The following DACH1 variants were observed in gnomAD, a reference collection of about 807,000 sequenced individuals.
DACH1 encodes the protein dachshund family transcription factor 1.
DACH1 carries 12 observed loss-of-function variants against 54.2 expected under a neutral mutation model. The observed-to-expected ratio is 0.22, with a 90% CI of 0.14 to 0.36. The LOEUF is 0.36. DACH1 is among the 10% of genes least tolerant of loss of function. The pLI is 1.00. For synonymous variants in DACH1, 386 were observed against 366.2 expected (o/e 1.05, Z -0.62); for missense variants, 805 against 929.8 (o/e 0.87, Z 1.75).
chr13:71,513,043 G>T (rs1880901029), intron 6 of DACH1, among the ~76,000 whole-genome samples: 1 of 151,776 alleles, frequency 6.6e-6, no homozygotes, highest in Admixed American at 6.6e-5. Context: ...AATATGCACA[G>T]AACTTAGAAA....
intron 10 of DACH1, among the ~76,000 whole-genome samples, chr13:71,465,800 G>A (rs1034598762): frequency 6.6e-6 from 1 of 151,964 alleles, no homozygotes; most frequent in Non-Finnish European, 1.5e-5. Context: ...TAGTTATTTG[G>A]AATTCATAGT....
At chr13:71,734,048 CA>C (rs1304472211) in intron 1 of DACH1, among the ~76,000 whole-genome samples, 5 of 151,088 alleles carry the variant, frequency 3.3e-5, no homozygotes, top group Admixed American at 3.3e-4. Flanking sequence ...CACTCCATCT[CA>C]AAAAATAAAA....
chr13:71,716,734 C>A (rs1882987485), intron 1 of DACH1, among the ~76,000 whole-genome samples: 1 of 152,072 alleles, frequency 6.6e-6, no homozygotes, highest in Non-Finnish European at 1.5e-5. Flanking sequence ...TCCTCTTTTG[C>A]CAGAATTCAA....
At chr13:71,476,656 T>A (rs893225790) in intron 8 of DACH1, among the ~76,000 whole-genome samples, 10 of 152,232 alleles carry the variant, frequency 6.6e-5, no homozygotes, top group African/African-American at 2.4e-4. Context: ...AAGTTGATTA[T>A]GAAACATTTT....
In DACH1 at chr13:71,726,376, ACT is replaced by A. The variant is rs556024238; in HGVS notation, c.849-44468_849-44467del. 3.2e-3 allele frequency among the ~76,000 whole-genome samples: 484 copies of A among 152,242 alleles called. 8 individuals are homozygous for A. The highest frequency in any genetic ancestry group is 0.011 in the African/African-American group (469 of 41,566). On this transcript the variant is annotated intron_variant, in intron 1 of 10. Coordinates refer to ENST00000613252, the MANE Select transcript of DACH1 (RefSeq NM_080759.6). The stretch of plus-strand genomic sequence containing the variant: ...AACTGATGAGTATTAAAAACAGTAA[ACT>A]CAGCGTGACTTAACAAGAAAACGCT...
intron 1 of DACH1, among the ~76,000 whole-genome samples, chr13:71,694,060 GTCTTCCCACTTA>G (rs1881681057): frequency 1.3e-5 from 2 of 152,138 alleles, no homozygotes; most frequent in Admixed American, 6.5e-5. Flanking sequence ...AGACAATCTT[GTCTTCCCACTTA>G]TGAATGCAGA....
At chr13:71,559,582 G>T (rs1397664966) in intron 5 of DACH1, among the ~76,000 whole-genome samples, 1 of 152,192 alleles carries the variant, frequency 6.6e-6, no homozygotes, top group Admixed American at 6.5e-5. Context: ...CTGTTTCATA[G>T]CTCAAATCTT....
At chr13:71,670,995 A>G (rs963312306) in intron 2 of DACH1, among the ~76,000 whole-genome samples, 6 of 152,062 alleles carry the variant, frequency 3.9e-5, no homozygotes, top group African/African-American at 1.4e-4. Flanking sequence ...TACTTTTTAA[A>G]TCAGAAAGTC....
intron 3 of DACH1, among the ~76,000 whole-genome samples, chr13:71,628,742 G>A (rs1011056197): frequency 1.1e-4 from 16 of 152,024 alleles, no homozygotes; most frequent in African/African-American, 3.9e-4. Flanking sequence ...TGGTTAGTAG[G>A]CAAATATTGT....
intron 1 of DACH1, among the ~76,000 whole-genome samples, chr13:71,829,813 C>T (rs1888514145): frequency 6.6e-6 from 1 of 151,832 alleles, no homozygotes; most frequent in South Asian, 2.1e-4. Context: ...GCACCACTAA[C>T]AAAAATACAT....
At chr13:71,596,940 T>C (rs1593958346) in intron 3 of DACH1, among the ~76,000 whole-genome samples, 1 of 152,210 alleles carries the variant, frequency 6.6e-6, no homozygotes, top group African/African-American at 2.4e-5. Flanking sequence ...TAGCCTAAGA[T>C]GACTCAGGTG....
At chr13:71,774,091 C>T (rs1885971128) in intron 1 of DACH1, among the ~76,000 whole-genome samples, 1 of 151,906 alleles carries the variant, frequency 6.6e-6, no homozygotes, top group South Asian at 2.1e-4. Context: ...GATGTGACTC[C>T]CTGGGTTAAC....
At chr13:71,861,907 CAAAAAAAAAA>C (rs71126514) in intron 1 of DACH1, among the ~76,000 whole-genome samples, 1 of 86,504 alleles carries the variant, frequency 1.2e-5, no homozygotes, top group Non-Finnish European at 2.4e-5. Context: ...AACTCCTAAC[CAAAAAAAAAA>C]AAAAAAAAAA....
At chr13:71,624,295 G>C (rs1436202114) in intron 3 of DACH1, among the ~76,000 whole-genome samples, 1 of 151,750 alleles carries the variant, frequency 6.6e-6, no homozygotes, top group Non-Finnish European at 1.5e-5. Context: ...ATGCTTATGT[G>C]GTCTTCCATT....
intron 1 of DACH1, among the ~76,000 whole-genome samples, chr13:71,797,244 A>G (rs1887093546): frequency 6.6e-6 from 1 of 152,138 alleles, no homozygotes; most frequent in Non-Finnish European, 1.5e-5. Context: ...TACTTTAAAT[A>G]TTCCTAACAA....
intron 10 of DACH1, among the ~76,000 whole-genome samples, chr13:71,443,180 T>G (rs2138097670): frequency 6.6e-6 from 1 of 151,608 alleles, no homozygotes; most frequent in Middle Eastern, 3.4e-3. Flanking sequence ...GTCCATGAGA[T>G]TAGCCTCAGA....
rs1170347084 is a variant in DACH1 at position 71,647,206 on chromosome 13, T to G, written c.965-16489A>C. On this transcript the variant is annotated intron_variant, in intron 2 of 10. Transcript: ENST00000613252. ...ACAAATGTGAAGTCTTGGCATATTT[T>G]ATCATTACCTTGTAAAGCATGAGCT... Among the ~76,000 whole-genome samples, 11 of 152,342 alleles carry G rather than the reference T, an allele frequency of 7.2e-5. No homozygotes were observed. The East Asian group carries it at 2.1e-3, about 29-fold the overall frequency.
At chr13:71,792,370 A>ACACACACC (rs893400174) in intron 1 of DACH1, among the ~76,000 whole-genome samples, 1 of 149,760 alleles carries the variant, frequency 6.7e-6, no homozygotes, top group African/African-American at 2.5e-5. Context: ...ACACACACAC[A>ACACACACC]CCCCTGGAAT....
intron 2 of DACH1, among the ~76,000 whole-genome samples, chr13:71,673,725 G>T (rs753596341): frequency 6.6e-6 from 1 of 151,992 alleles, no homozygotes; most frequent in Non-Finnish European, 1.5e-5. Context: ...AAACCGGCAC[G>T]TTCTGCACAT....
Sources: gnomAD v4.1 joint callset for allele counts (sites outside exome capture counted in the v4.1 genomes callset) on GRCh38, gnomAD v4.1.1 for gene constraint, MANE v1.5 for transcripts, NCBI Gene and HGNC (gene_info 2026-07-23, HGNC 2026-07-21) for gene names.